The following TRIML2 variants were observed in gnomAD, a reference collection of about 807,000 sequenced individuals.
TRIML2 encodes probable E3 ubiquitin-protein ligase TRIML2.
Under a neutral mutation model 31.2 loss-of-function variants are expected in TRIML2, and 28 were observed. The ratio of observed to expected loss-of-function variants is 0.90; its 90% confidence interval spans 0.66 to 1.23. TRIML2 has a LOEUF of 1.23. TRIML2 is among the 50% of genes most tolerant of loss of function. The pLI, the probability that TRIML2 is intolerant of heterozygous loss-of-function variation, is 0.00. For synonymous variants in TRIML2, 187 were observed against 197.5 expected (o/e 0.95, Z 0.45); for missense variants, 536 against 528.3 (o/e 1.01, Z -0.14).
At chr4:188,095,539 G>A (rs73877510) in intron 7 of TRIML2, among the ~76,000 whole-genome samples, 2,273 of 152,302 alleles carry the variant, frequency 0.015, 17 homozygotes, top group Middle Eastern at 0.041. Flanking sequence ...TTCTGGAAAT[G>A]CAAATTAAAA....
At chr4:188,099,238 C>A (rs1733664577) in intron 4 of TRIML2, 63 bp from the exon 5 acceptor site, 2 of 1,529,386 alleles carry the variant, frequency 1.3e-6, no homozygotes, top group Non-Finnish European at 8.8e-7. Context: ...AGTTCGGTAA[C>A]TTCTCCTATA....
intron 1 of TRIML2, among the ~76,000 whole-genome samples, chr4:188,108,965 A>G (rs1192292650): frequency 6.6e-6 from 1 of 152,210 alleles, no homozygotes; most frequent in Admixed American, 6.5e-5. Flanking sequence ...TGCACAATAA[A>G]TATTGTAAAC....
chr4:188,097,195 A>C (rs1031696797), intron 6 of TRIML2, 34 bp from the exon 7 acceptor site: 9 of 1,603,860 alleles, frequency 5.6e-6, no homozygotes, highest in Non-Finnish European at 8.5e-7. Context: ...TCATCTGCAC[A>C]GACCACAGGC....
At chr4:188,102,920 T>C (rs1369011145) in intron 3 of TRIML2, among the ~76,000 whole-genome samples, 3 of 150,662 alleles carry the variant, frequency 2.0e-5, no homozygotes, top group Non-Finnish European at 1.5e-5. Flanking sequence ...ACCACTGCTC[T>C]ACCTGTCCCC....
chr4:188,091,849 C>T lies in TRIML2; in HGVS notation c.838G>A (p.Gly280Arg), dbSNP rs1315488120. 1 of 1,614,054 alleles carries T rather than the reference C, an allele frequency of 6.2e-7. No individual in the cohort carries two copies. The highest frequency in any genetic ancestry group is 2.2e-5 in the East Asian group (1 of 44,890). Reference protein sequence around the residue: ...TMRLRHGQQDGAGNPERLDFS... With the variant: ...TMRLRHGQQDRAGNPERLDFS... ...TCCAATCTTTCTGGGTTGCCAGCCC[C>T]ATCCTGCTGCCCATGTCTCAATCTC... is the stretch of plus-strand genomic sequence containing the variant. Residue 280 changes from glycine (G) to arginine (R), a missense_variant, in exon 8 of 8, where the codon GGG (glycine) becomes AGG (arginine). Transcript: ENST00000682553.
intron 5 of TRIML2, among the ~76,000 whole-genome samples, chr4:188,097,839 A>C (rs1426028319): frequency 2.0e-5 from 3 of 152,142 alleles, no homozygotes; most frequent in African/African-American, 7.2e-5. Flanking sequence ...AAAGATAGTA[A>C]GGCCAGGCGC....
rs537800723 is a variant in TRIML2 at position 188,099,040 on chromosome 4, G to A, written c.616C>T (p.Leu206Phe). The A allele has an allele frequency of 1.2e-6, 2 of 1,614,062 alleles. No homozygotes were observed. Among genetic ancestry groups the A allele is most frequent in the Non-Finnish European group, 1.7e-6 (2 of 1,180,024 alleles). Reference protein sequence around the residue: ...KKCGEGTLALLKNAKYSLERS... With the variant: ...KKCGEGTLALFKNAKYSLERS... ...TCTTTTTCCCAGCATCTTACCTTGA[G>A]CAATGCCAAGGTGCCTTCCCCACAC... is the stretch of plus-strand genomic sequence containing the variant. Residue 206 changes from leucine (L) to phenylalanine (F), a missense_variant, in exon 5 of 8, where the codon CTC becomes TTC. Leu to Phe is a conservative substitution (Grantham distance 22, BLOSUM62 0). Transcript: ENST00000682553.
chr4:188,104,432 C>T (rs953341470), intron 3 of TRIML2, among the ~76,000 whole-genome samples: 3 of 151,116 alleles, frequency 2.0e-5, no homozygotes, highest in East Asian at 2.0e-4. Context: ...AGTGTGATCT[C>T]GGCTCACTGC....
At position 188,101,086 on chromosome 4, in the gene TRIML2, C is replaced by T; in HGVS notation, c.450G>A (p.Glu150=). The T allele has an allele frequency of 6.2e-7, 1 of 1,613,396 alleles. No homozygotes were observed. The highest frequency in any genetic ancestry group is 8.5e-7 in the Non-Finnish European group (1 of 1,179,706). ...GCATTTCCTGGAACATCTCCTCTAG[C>T]TCGGTGGCAAGCTTGATCGCTTGAT... ...LLNQAIKLAT[E]LEEMFQEMLQ... is the part of the protein sequence containing the mutation. The change falls in exon 4 of 8, where the codon GAG becomes GAA. Residue 150 remains glutamate (E), a synonymous_variant. Coordinates refer to ENST00000682553, the MANE Select transcript of TRIML2 (RefSeq NM_173553.4).
intron 1 of TRIML2, among the ~76,000 whole-genome samples, chr4:188,107,899 T>G (rs774032678): frequency 1.6e-4 from 25 of 152,152 alleles, no homozygotes; most frequent in Non-Finnish European, 3.1e-4. Context: ...TCATCCTTTC[T>G]TCTGCTTAGG....
chr4:188,105,065 T>A, intron 2 of TRIML2, 115 bp downstream of exon 2: 3 of 1,409,174 alleles, frequency 2.1e-6, no homozygotes, highest in Admixed American at 3.7e-5. Flanking sequence ...ACTTATCTAA[T>A]ATTCTGTAAT....
Position 188,091,765 on chromosome 4 carries a change from C to A in TRIML2, c.922G>T (p.Val308Leu). The A allele has an allele frequency of 1.9e-6, 3 of 1,614,158 alleles. No individual in the cohort carries two copies. The highest frequency in any genetic ancestry group is 2.5e-6 in the Non-Finnish European group (3 of 1,180,030). ...SFTSGRHYWE[V>L]DVEKATRWQV... ...CACCTGGTTGCCTTTTCCACGTCCA[C>A]CTCCCAGTAGTGCCTCCCTGAGGTG... Residue 308 changes from valine (V) to leucine (L), a missense_variant, in exon 8 of 8, where the codon GTG (valine) becomes TTG (leucine). Physicochemically the swap from Val to Leu is conservative, Grantham distance 32 (BLOSUM62 1). Coordinates refer to ENST00000682553, the MANE Select transcript of TRIML2 (RefSeq NM_173553.4).
In TRIML2 at chr4:188,091,730, GC is replaced by G; in HGVS notation, c.956del (p.Gly319AlafsTer27). The G allele has an allele frequency of 1.2e-6, 2 of 1,614,062 alleles. No homozygotes were observed. The highest frequency in any genetic ancestry group is 1.7e-6 in the Non-Finnish European group (2 of 1,180,034). ...DVEKATRWQV[G>X]IYHGSADAKG... Reference sequence around the variant, plus strand: ...TCGCGTCTGCAGAGCCGTGGTATATGCCCACTTGCCACCTGGTTGCCTTTTC... The same window carrying G: ...TCGCGTCTGCAGAGCCGTGGTATATGCCACTTGCCACCTGGTTGCCTTTTC... On this transcript the variant is annotated frameshift_variant, in exon 8 of 8. Coordinates refer to ENST00000682553, the MANE Select transcript of TRIML2 (RefSeq NM_173553.4). LOFTEE classifies it low-confidence loss of function (END_TRUNC).
At position 188,091,869 on chromosome 4, in the gene TRIML2, A is replaced by C. The variant is rs766239731; in HGVS notation, c.818T>G (p.Leu273Trp). 8.7e-6 allele frequency: 14 copies of C among 1,613,920 alleles called. No homozygotes were observed. In the East Asian group the frequency reaches 3.1e-4, roughly 36 times the overall value. The change falls in exon 8 of 8, where the codon TTG (leucine) becomes TGG (tryptophan). Residue 273 changes from leucine (L) to tryptophan (W), a missense_variant. Transcript: ENST00000682553. ...ALSEDLRTMR[L>W]RHGQQDGAGN... is the part of the protein sequence containing the mutation. ...AGCCCCATCCTGCTGCCCATGTCTC[A>C]ATCTCATAGTTCTCAGGTCCTCAGA...
intron 7 of TRIML2, among the ~76,000 whole-genome samples, chr4:188,096,528 CAAAAAAAA>C (rs10607852): frequency 2.8e-4 from 11 of 39,286 alleles, no homozygotes; most frequent in African/African-American, 3.9e-4. Flanking sequence ...AACTCTGTCT[CAAAAAAAA>C]AAAAAAAAAA....
chr4:188,100,528 C>T (rs1733737741), intron 4 of TRIML2, among the ~76,000 whole-genome samples: 1 of 152,148 alleles, frequency 6.6e-6, no homozygotes. Flanking sequence ...CGAGACCATC[C>T]TGGCTAACAC....
intron 1 of TRIML2, among the ~76,000 whole-genome samples, chr4:188,108,695 C>A (rs1457837719): frequency 2.6e-5 from 4 of 152,146 alleles, no homozygotes; most frequent in African/African-American, 9.7e-5. Flanking sequence ...CCGTGGCCAA[C>A]AGAGCTCTTC....
chr4:188,093,043 A>G (rs968373310), intron 7 of TRIML2: 1 of 355,710 alleles, frequency 2.8e-6, no homozygotes, highest in Non-Finnish European at 5.6e-6. Context: ...GTTGGAAAAA[A>G]CACAGGAATT....
Position 188,101,096 on chromosome 4 carries a change from A to G in TRIML2, c.440T>C (p.Leu147Pro), listed in dbSNP as rs1453404981. 1 of 1,613,416 alleles carries G rather than the reference A, an allele frequency of 6.2e-7. No homozygotes were observed. The highest frequency in any genetic ancestry group is 8.5e-7 in the Non-Finnish European group (1 of 1,179,774). The stretch of plus-strand genomic sequence containing the variant: ...GAACATCTCCTCTAGCTCGGTGGCA[A>G]GCTTGATCGCTTGATTCAGAAGGGT... ...RETLLNQAIK[L>P]ATELEEMFQE... The change falls in exon 4 of 8, where the codon CTT becomes CCT. Residue 147 changes from leucine (L) to proline (P), a missense_variant. Leu to Pro is a moderately conservative substitution (Grantham distance 98). Transcript: ENST00000682553.
Sources: gnomAD v4.1 joint callset for allele counts (sites outside exome capture counted in the v4.1 genomes callset) on GRCh38, gnomAD v4.1.1 for gene constraint, MANE v1.5 for transcripts, NCBI Gene and HGNC (gene_info 2026-07-23, HGNC 2026-07-21) for gene names.